Variants in CSMD1 observed in about 807,000 individuals in gnomAD.
The protein encoded by CSMD1 is CUB and sushi domain-containing protein 1.
In CSMD1, 213 loss-of-function variants were observed where a neutral mutation model predicts 417.5. The observed-to-expected ratio is 0.51, with a 90% CI of 0.46 to 0.57. The LOEUF is 0.57. Among genes scored for constraint, CSMD1 ranks in the 20% least tolerant of loss-of-function variants. The probability of loss-of-function intolerance (pLI) is 0.00; values close to 1 mark genes in which losing one functional copy is unlikely to be tolerated. For synonymous variants in CSMD1, 2,862 were observed against 1,736.8 expected (o/e 1.65, Z -16.11); for missense variants, 6,923 against 4,529.7 (o/e 1.53, Z -15.17).
At chr8:4,671,294 G>A (rs1038035540) in intron 1 of CSMD1, among the ~76,000 whole-genome samples, 1 of 152,118 alleles carries the variant, frequency 6.6e-6, no homozygotes, top group African/African-American at 2.4e-5. Flanking sequence ...GGGCCCTAGG[G>A]AAACGCTAAC....
chr8:4,525,056 T>C (rs1160131316), intron 2 of CSMD1, among the ~76,000 whole-genome samples: 1 of 152,150 alleles, frequency 6.6e-6, no homozygotes, highest in South Asian at 2.1e-4. Context: ...CTGTTAACGA[T>C]GTCAATTAAA....
chr8:3,315,153 T>G (rs1459410165), intron 23 of CSMD1, among the ~76,000 whole-genome samples: 1 of 152,188 alleles, frequency 6.6e-6, no homozygotes, highest in Non-Finnish European at 1.5e-5. Flanking sequence ...TAAGAATGAC[T>G]CTCATGTGAA....
intron 33 of CSMD1, among the ~76,000 whole-genome samples, chr8:3,191,380 T>C (rs1054925290): frequency 3.3e-5 from 5 of 152,208 alleles, no homozygotes; most frequent in African/African-American, 1.2e-4. Flanking sequence ...CGCTTCACCC[T>C]GGGAGGCATA....
intron 5 of CSMD1, among the ~76,000 whole-genome samples, chr8:3,849,057 C>A (rs1803701647): frequency 6.6e-6 from 1 of 151,892 alleles, no homozygotes; most frequent in African/African-American, 2.4e-5. Flanking sequence ...GCAGTTTTGG[C>A]CCTCAATATA....
At chr8:4,110,018 A>G (rs1420095111) in intron 3 of CSMD1, among the ~76,000 whole-genome samples, 1 of 152,184 alleles carries the variant, frequency 6.6e-6, no homozygotes, top group Non-Finnish European at 1.5e-5. Context: ...AACTAAAATG[A>G]TTAAGATAAA....
chr8:3,295,642 G>A (rs1464632143), intron 25 of CSMD1, among the ~76,000 whole-genome samples: 1 of 152,156 alleles, frequency 6.6e-6, no homozygotes, highest in Non-Finnish European at 1.5e-5. Context: ...AAGCAGATTT[G>A]CTAACTCGCT....
intron 1 of CSMD1, among the ~76,000 whole-genome samples, chr8:4,968,782 T>C (rs184861708): frequency 6.2e-4 from 94 of 152,002 alleles, no homozygotes; most frequent in Middle Eastern, 6.8e-3. Context: ...ATAATAAAAA[T>C]AAAAAAAGGA....
intron 1 of CSMD1, among the ~76,000 whole-genome samples, chr8:4,991,407 C>T (rs1811455179): frequency 6.6e-6 from 1 of 152,238 alleles, no homozygotes; most frequent in Non-Finnish European, 1.5e-5. Flanking sequence ...GAAGCTGATA[C>T]TCAAGTACCC....
At chr8:3,947,253 T>C (rs899944334) in intron 5 of CSMD1, among the ~76,000 whole-genome samples, 13 of 152,206 alleles carry the variant, frequency 8.5e-5, no homozygotes, top group African/African-American at 1.9e-4. Flanking sequence ...TGAATTTTTA[T>C]CTAATGTTCT....
chr8:4,953,028 T>C (rs907874404), intron 1 of CSMD1, among the ~76,000 whole-genome samples: 1 of 151,754 alleles, frequency 6.6e-6, no homozygotes, highest in African/African-American at 2.4e-5. Flanking sequence ...ACATGTGAGA[T>C]GAGAGTGACC....
intron 23 of CSMD1, among the ~76,000 whole-genome samples, chr8:3,339,622 C>A (rs1490606140): frequency 1.3e-5 from 2 of 152,208 alleles, no homozygotes; most frequent in Non-Finnish European, 2.9e-5. Flanking sequence ...TCTCAGAGGG[C>A]TACTCTGATA....
intron 1 of CSMD1, among the ~76,000 whole-genome samples, chr8:4,949,621 C>A (rs1041132770): frequency 2.2e-4 from 33 of 152,240 alleles, no homozygotes; most frequent in African/African-American, 7.9e-4. Context: ...CCTTCCACAT[C>A]CCCAACCAAG....
At chr8:3,000,251 A>C (rs774365406) in intron 52 of CSMD1, 120 bp from the exon 53 acceptor site, 1 of 483,284 alleles carries the variant, frequency 2.1e-6, no homozygotes, top group Non-Finnish European at 3.5e-6. Flanking sequence ...TGAAATCTTT[A>C]TCATTACATA....
At chr8:3,182,008 G>C (rs1308398159) in intron 36 of CSMD1, among the ~76,000 whole-genome samples, 8 of 152,116 alleles carry the variant, frequency 5.3e-5, no homozygotes, top group Admixed American at 2.6e-4. Context: ...CAATACTCTA[G>C]TAAAAACATT....
chr8:2,982,084 G>A (rs902804156), intron 54 of CSMD1, among the ~76,000 whole-genome samples: 7 of 152,118 alleles, frequency 4.6e-5, no homozygotes, highest in East Asian at 3.9e-4. Context: ...GGCCAGGTGC[G>A]GTGGCTCACA....
intron 2 of CSMD1, among the ~76,000 whole-genome samples, chr8:4,633,593 G>A (rs549038791): frequency 2.0e-5 from 3 of 151,820 alleles, no homozygotes; most frequent in Non-Finnish European, 4.4e-5. Flanking sequence ...GTCTACCTCT[G>A]TCACCCAGGC....
At chr8:4,293,602 C>G (rs893731839) in intron 3 of CSMD1, among the ~76,000 whole-genome samples, 4 of 152,172 alleles carry the variant, frequency 2.6e-5, no homozygotes, top group South Asian at 2.1e-4. Flanking sequence ...TCATCATGAA[C>G]TAAGCAATAC....
intron 3 of CSMD1, among the ~76,000 whole-genome samples, chr8:4,199,461 G>C (rs1285196235): frequency 6.6e-6 from 1 of 152,162 alleles, no homozygotes; most frequent in African/African-American, 2.4e-5. Flanking sequence ...AGTTTCCTGA[G>C]AAACTCCAAT....
At chr8:4,078,718 A>G (rs919298414) in intron 3 of CSMD1, among the ~76,000 whole-genome samples, 8 of 150,436 alleles carry the variant, frequency 5.3e-5, no homozygotes, top group Admixed American at 1.3e-4. Flanking sequence ...TGTTCTCCAT[A>G]GATTGCTTTA....
Sources: allele counts gnomAD v4.1 joint callset (sites outside exome capture counted in the v4.1 genomes callset), GRCh38; gene constraint gnomAD v4.1.1; transcripts MANE v1.5; gene names NCBI Gene and HGNC (gene_info 2026-07-23, HGNC 2026-07-21).